Variants in UST observed in about 807,000 individuals in gnomAD.
UST encodes uronyl 2-sulfotransferase, also known as chondroitin sulfate 2-O-sulfotransferase.
A neutral mutation model predicts 45.6 loss-of-function variants in UST; 21 were observed. The observed-to-expected ratio is 0.46, with a 90% CI of 0.33 to 0.66. The LOEUF (loss-of-function observed/expected upper bound fraction) is 0.66. Ranked by LOEUF, UST falls within the 30% of genes least tolerant of loss-of-function variation. UST has a pLI of 0.02. For synonymous variants in UST, 215 were observed against 200.6 expected (o/e 1.07, Z -0.61); for missense variants, 463 against 512.4 (o/e 0.90, Z 0.93).
intron 1 of UST, among the ~76,000 whole-genome samples, chr6:148,778,809 C>G (rs1197651230): frequency 6.6e-6 from 1 of 152,216 alleles, no homozygotes; most frequent in Non-Finnish European, 1.5e-5. Flanking sequence ...AAAGCCATTA[C>G]ATGGTAGGGA....
chr6:149,016,847 C>T (rs1016864757), intron 5 of UST, among the ~76,000 whole-genome samples: 34 of 152,220 alleles, frequency 2.2e-4, no homozygotes, highest in African/African-American at 8.2e-4. Flanking sequence ...CTCTGCTTCT[C>T]ACCCAGCTCC....
intron 5 of UST, chr6:148,990,485 G>A (rs555707308): frequency 4.0e-6 from 3 of 743,592 alleles, no homozygotes; most frequent in Non-Finnish European, 3.3e-6. Flanking sequence ...TGACACCAGT[G>A]TGTTTTCCTG....
Position 148,748,867 on chromosome 6 carries a change from C to A in UST, c.247+1190C>A, listed in dbSNP as rs550689291. Among the ~76,000 whole-genome samples the A allele has an allele frequency of 6.6e-6, 1 of 151,300 alleles. No individual in the cohort carries two copies. Among genetic ancestry groups the A allele is most frequent in the South Asian group, 2.1e-4 (1 of 4,754 alleles). On this transcript the variant is annotated intron_variant, in intron 1 of 7. Coordinates refer to ENST00000367463, the MANE Select transcript of UST (RefSeq NM_005715.3). This position sits in a 1 kb window ranked among gnomAD's most constrained non-coding sequence, Gnocchi z 5.3. ...GCCACAGTTACCCCAAACGTCACTT[C>A]GTGGCAGAAGCCACAGGTCTAGATA... is the stretch of plus-strand genomic sequence containing the variant.
chr6:148,910,680 A>T (rs969318270), intron 2 of UST, among the ~76,000 whole-genome samples: 2 of 152,190 alleles, frequency 1.3e-5, no homozygotes, highest in Non-Finnish European at 2.9e-5. Flanking sequence ...ATATTTATAT[A>T]TGTATGTTTA....
chr6:148,912,300 A>G (rs567574523), intron 2 of UST, among the ~76,000 whole-genome samples: 1 of 152,260 alleles, frequency 6.6e-6, no homozygotes, highest in South Asian at 2.1e-4. Flanking sequence ...AAAATACCTC[A>G]GTGAAAGTTT....
chr6:148,756,191 C>G (rs1200196749), intron 1 of UST, among the ~76,000 whole-genome samples: 1 of 152,006 alleles, frequency 6.6e-6, no homozygotes, highest in African/African-American at 2.4e-5. Flanking sequence ...TGAGCTCATC[C>G]TTTTTTATGG....
At chr6:148,929,712 C>T (rs1176718154) in intron 2 of UST, among the ~76,000 whole-genome samples, 1 of 152,154 alleles carries the variant, frequency 6.6e-6, no homozygotes, top group Non-Finnish European at 1.5e-5. Flanking sequence ...CAAGCATCCT[C>T]GTATTGATAC....
At chr6:148,788,665 T>C (rs141576254) in intron 1 of UST, among the ~76,000 whole-genome samples, 24 of 152,254 alleles carry the variant, frequency 1.6e-4, no homozygotes, top group African/African-American at 5.5e-4. Flanking sequence ...TTAAGAGCTC[T>C]TAAAAAAAAG....
chr6:148,834,038 T>C (rs1777741124), intron 1 of UST, among the ~76,000 whole-genome samples: 1 of 152,226 alleles, frequency 6.6e-6, no homozygotes. Flanking sequence ...TGAAACAATA[T>C]GGGTAAGAGT....
intron 1 of UST, among the ~76,000 whole-genome samples, chr6:148,815,685 A>AC (rs1454436473): frequency 1.3e-5 from 2 of 152,238 alleles, no homozygotes; most frequent in Non-Finnish European, 2.9e-5. Flanking sequence ...AAAAACAAAA[A>AC]AAGAGTTCAG....
rs1437995734 is a variant in UST, at chr6:148,748,685, G to T, written c.247+1008G>T. On this transcript the variant is annotated intron_variant, in intron 1 of 7. Transcript: ENST00000367463. This position sits in a 1 kb window ranked among gnomAD's most constrained non-coding sequence, Gnocchi z 5.3. ...CCCTCCCAAGTCTGTGGCCAGAAGA[G>T]GTCGTGCGGGGGTGAAGGCTGGGAG... is the stretch of plus-strand genomic sequence containing the variant. 1.3e-5 allele frequency among the ~76,000 whole-genome samples: 2 copies of T among 152,092 alleles called. No homozygotes were observed. Among genetic ancestry groups the T allele is most frequent in the African/African-American group, 4.8e-5 (2 of 41,412 alleles).
In UST at chr6:148,850,010, T is replaced by C. The variant is rs528206209; in HGVS notation, c.248-36976T>C. Reference sequence around the variant, plus strand: ...TACTGTTCTATGTGGTATATGTGTGTGTGCTGGGGATATATACCCACTCTA... The same window carrying C: ...TACTGTTCTATGTGGTATATGTGTGCGTGCTGGGGATATATACCCACTCTA... On this transcript the variant is annotated intron_variant, in intron 1 of 7. Coordinates refer to ENST00000367463, the MANE Select transcript of UST (RefSeq NM_005715.3). Among the ~76,000 whole-genome samples the C allele has an allele frequency of 2.6e-5, 4 of 152,358 alleles. No individual in the cohort carries two copies. In the South Asian group the frequency reaches 8.3e-4, roughly 32 times the overall value.
intron 1 of UST, among the ~76,000 whole-genome samples, chr6:148,846,936 T>C (rs1402853858): frequency 1.3e-5 from 2 of 152,194 alleles, no homozygotes; most frequent in African/African-American, 4.8e-5. Context: ...CAGAAGGAAG[T>C]GAGTGACCAG....
At chr6:148,778,934 C>G (rs1776585564) in intron 1 of UST, among the ~76,000 whole-genome samples, 1 of 152,138 alleles carries the variant, frequency 6.6e-6, no homozygotes, top group African/African-American at 2.4e-5. Context: ...TCTCTTCCCT[C>G]TGTTTTCCAT....
At chr6:148,794,911 G>T (rs145410443) in intron 1 of UST, among the ~76,000 whole-genome samples, 1 of 152,158 alleles carries the variant, frequency 6.6e-6, no homozygotes, top group Non-Finnish European at 1.5e-5. Flanking sequence ...AGCATTCACT[G>T]GCTAAGAACA....
intron 5 of UST, among the ~76,000 whole-genome samples, chr6:148,992,253 C>G (rs914891287): frequency 2.0e-5 from 3 of 152,176 alleles, no homozygotes; most frequent in Non-Finnish European, 4.4e-5. Context: ...GCCTGTAATC[C>G]CAGCACTTTG....
intron 1 of UST, among the ~76,000 whole-genome samples, chr6:148,856,949 T>C (rs1778216684): frequency 1.3e-5 from 2 of 149,538 alleles, no homozygotes; most frequent in African/African-American, 4.9e-5. Flanking sequence ...CTTTGTGATA[T>C]ATATATTACA....
chr6:148,853,157 C>A (rs1395356385), intron 1 of UST, among the ~76,000 whole-genome samples: 2 of 152,106 alleles, frequency 1.3e-5, no homozygotes, highest in East Asian at 1.9e-4. Flanking sequence ...TCCCTGTGTC[C>A]ACGTGTTCTC....
intron 1 of UST, among the ~76,000 whole-genome samples, chr6:148,883,738 T>G (rs917817968): frequency 9.9e-5 from 15 of 151,960 alleles, no homozygotes; most frequent in African/African-American, 3.6e-4. Flanking sequence ...TGGCATTGAG[T>G]TATAAGGGGA....
Sources: gnomAD v4.1 joint callset for allele counts (sites outside exome capture counted in the v4.1 genomes callset) on GRCh38, gnomAD v4.1.1 for gene constraint, Gnocchi (gnomAD v3.1) non-coding constraint, MANE v1.5 for transcripts, NCBI Gene and HGNC (gene_info 2026-07-23, HGNC 2026-07-21) for gene names.